XIRP2: variants seen among roughly 807,000 people sequenced by gnomAD.
The protein encoded by XIRP2 is xin actin binding repeat containing 2.
In XIRP2, 236 loss-of-function variants were observed where a neutral mutation model predicts 277.0. The ratio of observed to expected loss-of-function variants is 0.85; its 90% confidence interval spans 0.77 to 0.95. The LOEUF (loss-of-function observed/expected upper bound fraction) is 0.95, where lower values mean the gene tolerates loss of function less well. XIRP2 is among the 40% of genes least tolerant of loss of function. XIRP2 has a pLI of 0.00. For missense variants in XIRP2, 4,640 were observed against 4,157.5 expected, an observed-to-expected ratio of 1.12 and a Z score of -3.19; for synonymous variants, 1,490 against 1,416.5, an observed-to-expected ratio of 1.05 and a Z score of -1.17.
intron 2 of XIRP2, among the ~76,000 whole-genome samples, chr2:167,112,219 G>T (rs1013526052): frequency 2.0e-5 from 3 of 151,678 alleles, no homozygotes; most frequent in African/African-American, 4.9e-5. Flanking sequence ...GGTTTGGTTT[G>T]CTCTTGCTTC....
chr2:167,085,982 A>G (rs1316285500), intron 2 of XIRP2, among the ~76,000 whole-genome samples: 16 of 151,570 alleles, frequency 1.1e-4, no homozygotes, highest in Non-Finnish European at 2.9e-5. Context: ...TGATCCTGTC[A>G]TTATGATGTT....
At chr2:167,089,226 G>T (rs75199682) in intron 2 of XIRP2, among the ~76,000 whole-genome samples, 3,462 of 152,172 alleles carry the variant, frequency 0.023, 59 homozygotes, top group East Asian at 0.051. Flanking sequence ...AACTATTAGG[G>T]TATCACTTTT....
Position 167,031,819 on chromosome 2 carries a change from GA to G in XIRP2, c.409-104083del, listed in dbSNP as rs575422748. On this transcript the variant is annotated intron_variant, in intron 2 of 10. Coordinates refer to ENST00000409195, the MANE Select transcript of XIRP2 (RefSeq NM_152381.6). ...AAATAAGAGAGGACACAAACAAATG[GA>G]AAAAAATTCCATGCTCATAGATAGG... is the stretch of plus-strand genomic sequence containing the variant. 3.9e-5 allele frequency among the ~76,000 whole-genome samples: 6 copies of G among 152,056 alleles called. No homozygotes were observed. The South Asian group carries it at 1.2e-3, about 32-fold the overall frequency.
chr2:167,203,836 G>A (rs974981979), intron 3 of XIRP2, among the ~76,000 whole-genome samples: 1 of 152,146 alleles, frequency 6.6e-6, no homozygotes, highest in Non-Finnish European at 1.5e-5. Flanking sequence ...CATGCTAATG[G>A]CTCTGAGCCT....
At chr2:166,900,657 G>A (rs1684358837) in intron 1 of XIRP2, among the ~76,000 whole-genome samples, 1 of 151,984 alleles carries the variant, frequency 6.6e-6, no homozygotes, top group Admixed American at 6.6e-5. Flanking sequence ...TGTGAAGGTG[G>A]GATACTGGGC....
rs1695268954 is a variant in XIRP2 at position 167,246,474 on chromosome 2, T to C, written c.5082T>C (p.Leu1694=). Residue 1694 remains leucine (L), a synonymous_variant, in exon 9 of 11, where the codon CTT becomes CTC. Coordinates refer to ENST00000409195, the MANE Select transcript of XIRP2 (RefSeq NM_152381.6). ...KGDINMTIYC[L]LHENDGDTIE... ...ATATTAACATGACTATCTATTGTCT[T>C]CTTCATGAAAATGATGGTGACACAA... 6.2e-7 allele frequency: 1 copy of C among 1,613,640 alleles called. No individual in the cohort carries two copies. The highest frequency in any genetic ancestry group is 1.3e-5 in the African/African-American group (1 of 74,904).
At chr2:167,212,977 A>G (rs1345340330) in intron 4 of XIRP2, among the ~76,000 whole-genome samples, 3 of 145,246 alleles carry the variant, frequency 2.1e-5, no homozygotes, top group Non-Finnish European at 4.5e-5. Flanking sequence ...CTGTATCTCC[A>G]CAATTAACCC....
At chr2:166,943,876 T>TG (rs1685786311) in intron 2 of XIRP2, among the ~76,000 whole-genome samples, 3 of 152,240 alleles carry the variant, frequency 2.0e-5, no homozygotes, top group African/African-American at 4.8e-5. Context: ...GAGTACAGAC[T>TG]CTTGTTCCAT....
intron 2 of XIRP2, among the ~76,000 whole-genome samples, chr2:166,936,746 G>A (rs1458246909): frequency 6.6e-6 from 1 of 152,066 alleles, no homozygotes; most frequent in Non-Finnish European, 1.5e-5. Context: ...TACTTCTGAG[G>A]GCTCTGTTCT....
intron 2 of XIRP2, among the ~76,000 whole-genome samples, chr2:167,091,833 T>C (rs1272525387): frequency 2.0e-5 from 3 of 152,172 alleles, no homozygotes; most frequent in African/African-American, 7.2e-5. Flanking sequence ...ATTGAGATCA[T>C]TTGAAGATGG....
intron 2 of XIRP2, among the ~76,000 whole-genome samples, chr2:166,934,905 C>T (rs1190065508): frequency 1.3e-5 from 2 of 152,104 alleles, no homozygotes; most frequent in East Asian, 3.9e-4. Flanking sequence ...GTGGCACACA[C>T]CTGTAGTCTC....
chr2:167,214,321 A>G (rs1267210524), intron 4 of XIRP2, among the ~76,000 whole-genome samples: 1 of 149,836 alleles, frequency 6.7e-6, no homozygotes, highest in Non-Finnish European at 1.5e-5. Context: ...GGAAGGAAGG[A>G]AGGAAGATAG....
chr2:167,243,286 T>C lies in XIRP2; in HGVS notation c.1894T>C (p.Tyr632His), dbSNP rs16853306. 0.14 allele frequency: 222,267 copies of C among 1,613,712 alleles called. 18,608 individuals carry two copies. The highest frequency in any genetic ancestry group is 0.35 in the African/African-American group (26,199 of 74,870). ...ETQPIDTLGA[Y>H]SSDTVENAEK... is the part of the protein sequence containing the mutation. ...CCAACCCATCGACACACTTGGGGCT[T>C]ATTCTTCTGACACTGTAGAAAATGC... The change falls in exon 9 of 11, where the codon TAT becomes CAT. Residue 632 changes from tyrosine to histidine, a missense_variant. Coordinates refer to ENST00000409195, the MANE Select transcript of XIRP2 (RefSeq NM_152381.6).
intron 2 of XIRP2, among the ~76,000 whole-genome samples, chr2:167,056,730 A>G (rs1689046623): frequency 6.6e-6 from 1 of 152,188 alleles, no homozygotes; most frequent in African/African-American, 2.4e-5. Flanking sequence ...GGAAGATAAT[A>G]CAGGTATGAT....
chr2:167,032,914 T>C (rs1006019705), intron 2 of XIRP2, among the ~76,000 whole-genome samples: 27 of 152,144 alleles, frequency 1.8e-4, no homozygotes, highest in African/African-American at 6.5e-4. Context: ...GAACCAGTAA[T>C]ACCATTTGAC....
Position 167,258,198 on chromosome 2 carries a change from C to G in XIRP2, c.*381C>G, listed in dbSNP as rs760930764. ...AAGGAGATCCCTAAGAAAACCTTACCCTTTGAGGAAGAGCTCAAAATGAGT... is the reference window on the plus strand; with the variant it reads ...AAGGAGATCCCTAAGAAAACCTTACGCTTTGAGGAAGAGCTCAAAATGAGT... On this transcript the variant is annotated 3_prime_UTR_variant, in exon 11 of 11. Coordinates refer to ENST00000409195, the MANE Select transcript of XIRP2 (RefSeq NM_152381.6). 1 of 1,613,010 alleles carries G rather than the reference C, an allele frequency of 6.2e-7. No homozygotes were observed. Among genetic ancestry groups the G allele is most frequent in the Admixed American group, 1.7e-5 (1 of 59,826 alleles).
At chr2:167,255,470 A>G (rs1189923313) in intron 10 of XIRP2, among the ~76,000 whole-genome samples, 1 of 151,738 alleles carries the variant, frequency 6.6e-6, no homozygotes, top group Non-Finnish European at 1.5e-5. Context: ...CCTACATTCA[A>G]GCCGTCACCA....
chr2:167,116,848 CA>C (rs1267013742), intron 2 of XIRP2, among the ~76,000 whole-genome samples: 3 of 152,086 alleles, frequency 2.0e-5, no homozygotes, highest in Non-Finnish European at 4.4e-5. Context: ...AGAGAACAGC[CA>C]AATAACTGTG....
chr2:167,206,361 A>G (rs1179225497), intron 3 of XIRP2, among the ~76,000 whole-genome samples: 2 of 152,168 alleles, frequency 1.3e-5, no homozygotes, highest in African/African-American at 4.8e-5. Context: ...CATCTTCGCC[A>G]TATTTCATAT....
Sources: allele counts gnomAD v4.1 joint callset (sites outside exome capture counted in the v4.1 genomes callset), GRCh38; gene constraint gnomAD v4.1.1; transcripts MANE v1.5; gene names NCBI Gene and HGNC (gene_info 2026-07-23, HGNC 2026-07-21).